TTC23L: variants seen among roughly 807,000 people sequenced by gnomAD.
TTC23L encodes the protein tetratricopeptide repeat protein 23-like.
Under a neutral mutation model 48.1 loss-of-function variants are expected in TTC23L, and 42 were observed. That is an observed-to-expected ratio of 0.87 (90% CI 0.68 to 1.13). The LOEUF (loss-of-function observed/expected upper bound fraction) is 1.13. TTC23L is among the 50% of genes most tolerant of loss of function. The pLI is 0.00. For missense variants in TTC23L, 391 were observed against 421.0 expected (o/e 0.93, Z 0.62); for synonymous variants, 159 against 157.2 (o/e 1.01, Z -0.09).
the TTC23L span, chr5:34,905,834 CAAAT>C: frequency 1.3e-5 from 2 of 152,024 alleles, no homozygotes; most frequent in Non-Finnish European, 2.9e-5. Context: ...AATTAGAACA[CAAAT>C]AAGGAGGAAA....
At chr5:34,913,607 T>A in the TTC23L span, 1 of 1,381,268 alleles carries the variant, frequency 7.2e-7, no homozygotes, top group African/African-American at 1.5e-5. Flanking sequence ...TGAAAATTGT[T>A]ACATAAAAGA....
chr5:34,846,428 C>T (rs574170343), intron 3 of TTC23L, among the ~76,000 whole-genome samples: 65 of 150,350 alleles, frequency 4.3e-4, no homozygotes, highest in African/African-American at 1.4e-3. Context: ...GGCGTGGTGG[C>T]GCATGCCTGT....
intron 8 of TTC23L, among the ~76,000 whole-genome samples, chr5:34,875,415 C>A (rs1436590595): frequency 6.6e-6 from 1 of 152,096 alleles, no homozygotes; most frequent in African/African-American, 2.4e-5. Context: ...GCAAGGAAGC[C>A]AGTCCAAGTC....
chr5:34,852,537 C>T (rs761380557), intron 4 of TTC23L, among the ~76,000 whole-genome samples: 16 of 152,020 alleles, frequency 1.1e-4, no homozygotes, highest in Non-Finnish European at 2.2e-4. Context: ...CCAGTTAGGC[C>T]GTTATCCTGC....
intron 9 of TTC23L, among the ~76,000 whole-genome samples, chr5:34,886,250 A>G (rs1762528997): frequency 6.6e-6 from 1 of 151,970 alleles, no homozygotes; most frequent in South Asian, 2.1e-4. Context: ...TACTTAGGTG[A>G]CACATCACAA....
At chr5:34,917,020 A>C in the TTC23L span, among the ~76,000 whole-genome samples, 4 of 152,234 alleles carry the variant, frequency 2.6e-5, no homozygotes, top group Admixed American at 6.5e-5. Flanking sequence ...CAGGAGATAT[A>C]GATTATTTTT....
chr5:34,914,390 T>C, the TTC23L span: 1 of 354,196 alleles, frequency 2.8e-6, no homozygotes, highest in Non-Finnish European at 5.2e-6. Flanking sequence ...TAAGATTAAA[T>C]AAGTTAAACA....
At chr5:34,840,247 G>T (rs1245150212) in intron 1 of TTC23L, among the ~76,000 whole-genome samples, 3 of 137,556 alleles carry the variant, frequency 2.2e-5, no homozygotes, top group Non-Finnish European at 3.1e-5. Context: ...CGGGGGGGGG[G>T]GGGAAAGCAG....
At chr5:34,920,634 A>C in the TTC23L span, 2 of 152,226 alleles carry the variant, frequency 1.3e-5, no homozygotes, top group East Asian at 1.9e-4. Flanking sequence ...AGCAGGTTAT[A>C]GGTTTTGGAC....
chr5:34,858,681 G>A (rs551297386), intron 4 of TTC23L, among the ~76,000 whole-genome samples: 6 of 129,554 alleles, frequency 4.6e-5, no homozygotes, highest in Admixed American at 4.2e-4. Context: ...AAAGGCTTCA[G>A]ATAAAAAAAA....
chr5:34,880,288 G>C (rs61736218), exon 9 of TTC23L: 3 of 1,610,898 alleles, frequency 1.9e-6, no homozygotes, highest in Admixed American at 1.7e-5. Flanking sequence ...CAAATGGCTT[G>C]TCCAAAATGG....
the TTC23L span, chr5:34,909,179 A>G: frequency 8.7e-6 from 10 of 1,143,032 alleles, no homozygotes; most frequent in South Asian, 1.3e-4. Context: ...TAACAGATTG[A>G]AAGTGTTTTT....
At chr5:34,871,925 T>C (rs948087069) in intron 8 of TTC23L, among the ~76,000 whole-genome samples, 2 of 152,146 alleles carry the variant, frequency 1.3e-5, no homozygotes, top group African/African-American at 4.8e-5. Context: ...ACTCATGCCA[T>C]ACACAGACAT....
intron 3 of TTC23L, among the ~76,000 whole-genome samples, chr5:34,848,727 A>T (rs1759428689): frequency 6.6e-6 from 1 of 152,110 alleles, no homozygotes; most frequent in South Asian, 2.1e-4. Context: ...TTAGCTGGTG[A>T]TGTTCAGGAA....
downstream of TTC23L, among the ~76,000 whole-genome samples, chr5:34,900,505 A>C (rs1028639659): frequency 2.0e-5 from 3 of 152,098 alleles, no homozygotes; most frequent in African/African-American, 7.2e-5. Flanking sequence ...TGTTCAAAAA[A>C]AAAAAAGAAA....
At position 34,859,817 on chromosome 5, in the gene TTC23L, T is replaced by G. The variant is rs189369205; in HGVS notation, c.380-3081T>G. On this transcript the variant is annotated intron_variant, in intron 4 of 10. Transcript: ENST00000505624. Reference sequence around the variant, plus strand: ...CATAGCTTATACGTTTTTCTTTTTTTTCTTTTCTTTTCTTTTCTTCTTCTT... The same window carrying G: ...CATAGCTTATACGTTTTTCTTTTTTGTCTTTTCTTTTCTTTTCTTCTTCTT... 4.7e-5 allele frequency among the ~76,000 whole-genome samples: 7 copies of G among 148,894 alleles called. No individual in the cohort carries two copies. The East Asian group carries it at 1.4e-3, about 29-fold the overall frequency.
intron 3 of TTC23L, among the ~76,000 whole-genome samples, chr5:34,848,430 A>C (rs981412608): frequency 6.6e-6 from 1 of 152,238 alleles, no homozygotes; most frequent in Non-Finnish European, 1.5e-5. Context: ...GGCAGATAAC[A>C]GCGAACATGA....
intron 9 of TTC23L, among the ~76,000 whole-genome samples, chr5:34,882,415 T>C (rs77002926): frequency 1.2e-3 from 180 of 152,340 alleles, no homozygotes; most frequent in African/African-American, 4.2e-3. Context: ...TTTTGTTCAC[T>C]GCAGTGTCCT....
intron 6 of TTC23L, among the ~76,000 whole-genome samples, chr5:34,866,108 A>G (rs1761033142): frequency 6.6e-6 from 1 of 152,170 alleles, no homozygotes. Flanking sequence ...ATAAACCTCA[A>G]TGAGATATTG....
Sources: gnomAD v4.1 joint callset for allele counts (sites outside exome capture counted in the v4.1 genomes callset) on GRCh38, gnomAD v4.1.1 for gene constraint, MANE v1.5 for transcripts, NCBI Gene and HGNC (gene_info 2026-07-23, HGNC 2026-07-21) for gene names.